ZDHHC14: variants seen among roughly 807,000 people sequenced by gnomAD.
The protein encoded by ZDHHC14 is zDHHC palmitoyltransferase 14.
Under a neutral mutation model 47.7 loss-of-function variants are expected in ZDHHC14, and 16 were observed. That is an observed-to-expected ratio of 0.34 (90% CI 0.23 to 0.51). The LOEUF is 0.51. Among genes scored for constraint, ZDHHC14 ranks in the 20% least tolerant of loss-of-function variants. ZDHHC14 has a pLI of 0.97. For missense variants in ZDHHC14, 515 were observed against 662.5 expected (o/e 0.78, Z 2.44); for synonymous variants, 293 against 278.9 (o/e 1.05, Z -0.50).
chr6:157,386,842 T>C (rs566543283), intron 1 of ZDHHC14, among the ~76,000 whole-genome samples: 3 of 152,326 alleles, frequency 2.0e-5, no homozygotes, highest in Admixed American at 1.3e-4. Context: ...CCCTGACATA[T>C]GCACACATAC....
intron 8 of ZDHHC14, among the ~76,000 whole-genome samples, chr6:157,658,210 G>C (rs953867406): frequency 2.0e-5 from 3 of 152,110 alleles, no homozygotes; most frequent in African/African-American, 7.2e-5. Context: ...ACCAGGGAAT[G>C]AGAGCTCCCA....
chr6:157,549,766 G>C (rs910902250), intron 2 of ZDHHC14, among the ~76,000 whole-genome samples: 1 of 152,228 alleles, frequency 6.6e-6, no homozygotes, highest in Non-Finnish European at 1.5e-5. Flanking sequence ...GAGGGAGCCA[G>C]AGATGTTTTT....
intron 1 of ZDHHC14, among the ~76,000 whole-genome samples, chr6:157,416,764 C>T (rs994583200): frequency 6.8e-6 from 1 of 147,692 alleles, no homozygotes; most frequent in African/African-American, 2.5e-5. Flanking sequence ...AAAACTAATT[C>T]ACCTCCCACT....
intron 5 of ZDHHC14, among the ~76,000 whole-genome samples, chr6:157,639,067 A>C (rs950841608): frequency 3.3e-5 from 5 of 152,268 alleles, no homozygotes; most frequent in African/African-American, 1.2e-4. Context: ...AAAAGGAGGC[A>C]GGGCTCCCCA....
chr6:157,543,088 C>A (rs1345720367), intron 2 of ZDHHC14, among the ~76,000 whole-genome samples: 1 of 152,158 alleles, frequency 6.6e-6, no homozygotes, highest in East Asian at 1.9e-4. Context: ...GCTGCCCTTT[C>A]TCCCTTTTGC....
rs569659066 is a variant in ZDHHC14, at chr6:157,530,277, G to C, written c.246-12308G>C. On this transcript the variant is annotated intron_variant, in intron 1 of 8. Transcript: ENST00000359775. The stretch of plus-strand genomic sequence containing the variant: ...TCTGACCTTGTCTTCTAATTGAGCT[G>C]GATAATTACATGGTAGGAACTCTCC... Among the ~76,000 whole-genome samples, 16 of 152,306 alleles carry C rather than the reference G, an allele frequency of 1.1e-4. No homozygotes were observed. The South Asian group carries it at 3.1e-3, about 30-fold the overall frequency.
intron 1 of ZDHHC14, among the ~76,000 whole-genome samples, chr6:157,423,552 G>C (rs1778151448): frequency 1.3e-5 from 2 of 152,144 alleles, no homozygotes; most frequent in Non-Finnish European, 2.9e-5. Context: ...AGCATTGCGG[G>C]ATTTTCCAGG....
chr6:157,630,898 A>G (rs1785684942), intron 4 of ZDHHC14: 1 of 116,402 alleles, frequency 8.6e-6, no homozygotes, highest in African/African-American at 3.3e-5. Flanking sequence ...ATCCTTACCC[A>G]CATTTACACA....
intron 2 of ZDHHC14, among the ~76,000 whole-genome samples, chr6:157,575,324 A>G (rs534427078): frequency 1.3e-5 from 2 of 152,334 alleles, no homozygotes; most frequent in East Asian, 3.9e-4. Context: ...CTGGTGGTTG[A>G]CCGAACAACT....
intron 1 of ZDHHC14, among the ~76,000 whole-genome samples, chr6:157,486,115 C>T (rs1183568784): frequency 6.6e-6 from 1 of 152,184 alleles, no homozygotes; most frequent in African/African-American, 2.4e-5. Context: ...TGGTGTTTAT[C>T]ATTCCATGCT....
At chr6:157,397,873 G>A (rs1777553627) in intron 1 of ZDHHC14, among the ~76,000 whole-genome samples, 1 of 152,200 alleles carries the variant, frequency 6.6e-6, no homozygotes, top group Non-Finnish European at 1.5e-5. Flanking sequence ...GTCCATCACG[G>A]TTAATGACAC....
At chr6:157,498,032 T>C (rs2114735165) in intron 1 of ZDHHC14, among the ~76,000 whole-genome samples, 1 of 152,350 alleles carries the variant, frequency 6.6e-6, no homozygotes, top group South Asian at 2.1e-4. Flanking sequence ...AAAACTCTGC[T>C]TTTCTTCATC....
chr6:157,472,067 G>T (rs1043298805), intron 1 of ZDHHC14, among the ~76,000 whole-genome samples: 1 of 152,114 alleles, frequency 6.6e-6, no homozygotes, highest in African/African-American at 2.4e-5. Context: ...CACCCAGCTT[G>T]CTCCACCACC....
At chr6:157,508,170 T>C (rs2114745687) in intron 1 of ZDHHC14, among the ~76,000 whole-genome samples, 1 of 152,348 alleles carries the variant, frequency 6.6e-6, no homozygotes, top group East Asian at 1.9e-4. Context: ...TTGGAGGTTT[T>C]GTTTTCTCAA....
intron 1 of ZDHHC14, among the ~76,000 whole-genome samples, chr6:157,396,392 CA>C (rs1299104856): frequency 2.6e-5 from 4 of 152,120 alleles, no homozygotes; most frequent in African/African-American, 9.7e-5. Flanking sequence ...CTTTTAATGC[CA>C]TGAGTTTCCC....
At chr6:157,654,580 G>A (rs1777997366) in intron 8 of ZDHHC14, among the ~76,000 whole-genome samples, 1 of 152,016 alleles carries the variant, frequency 6.6e-6, no homozygotes, top group Admixed American at 6.5e-5. Flanking sequence ...CTGCAGGGTG[G>A]AAGTTGGCAG....
Position 157,443,411 on chromosome 6 carries a change from C to A in ZDHHC14, c.245+61145C>A, listed in dbSNP as rs1178974599. On this transcript the variant is annotated intron_variant, in intron 1 of 8. Transcript: ENST00000359775. ...GTGAAGGGGAGCATTGTGGCAGCACCCGGGGTGATCCTATCCTGAACCCCA... is the reference window on the plus strand; with the variant it reads ...GTGAAGGGGAGCATTGTGGCAGCACACGGGGTGATCCTATCCTGAACCCCA... Among the ~76,000 whole-genome samples the A allele has an allele frequency of 2.6e-5, 4 of 152,124 alleles. No individual in the cohort carries two copies. The East Asian group carries it at 7.7e-4, about 29-fold the overall frequency.
chr6:157,637,170 G>T (rs1234078964), intron 5 of ZDHHC14, among the ~76,000 whole-genome samples: 2 of 152,174 alleles, frequency 1.3e-5, no homozygotes, highest in Non-Finnish European at 2.9e-5. Flanking sequence ...TGGTATTTTT[G>T]GTGCCTGTCT....
chr6:157,589,898 A>G (rs567067403), intron 2 of ZDHHC14, among the ~76,000 whole-genome samples: 1 of 152,278 alleles, frequency 6.6e-6, no homozygotes, highest in African/African-American at 2.4e-5. Context: ...CTTCCTAGAG[A>G]CTTGTTGAAT....
Sources: allele counts gnomAD v4.1 joint callset (sites outside exome capture counted in the v4.1 genomes callset), GRCh38; gene constraint gnomAD v4.1.1; transcripts MANE v1.5; gene names NCBI Gene and HGNC (gene_info 2026-07-23, HGNC 2026-07-21).